ATXN1: variants seen among roughly 807,000 people sequenced by gnomAD.
ATXN1 encodes the protein ataxin 1, also known as ataxin-1.
A neutral mutation model predicts 56.4 loss-of-function variants in ATXN1; 8 were observed. The observed-to-expected ratio is 0.14, with a 90% confidence interval of 0.08 to 0.26. ATXN1 has a LOEUF of 0.26. ATXN1 is among the 10% of genes least tolerant of loss of function. The pLI, the probability that ATXN1 is intolerant of heterozygous loss-of-function variation, is 1.00. For synonymous variants in ATXN1, 514 were observed against 494.6 expected (o/e 1.04, Z -0.52); for missense variants, 987 against 1,106.5 (o/e 0.89, Z 1.53).
intron 2 of ATXN1, among the ~76,000 whole-genome samples, chr6:16,749,009 T>C (rs1227363269): frequency 6.6e-6 from 1 of 152,236 alleles, no homozygotes; most frequent in Non-Finnish European, 1.5e-5. Flanking sequence ...ACCAATTCTA[T>C]ATCTCTTTAT....
At chr6:16,662,989 T>G (rs1314391113) in intron 2 of ATXN1, among the ~76,000 whole-genome samples, 4 of 127,108 alleles carry the variant, frequency 3.1e-5, no homozygotes, top group South Asian at 4.7e-4. Context: ...TTTTTTTTTT[T>G]GAAATGGAGT....
intron 4 of ATXN1, among the ~76,000 whole-genome samples, chr6:16,570,071 T>G (rs541759486): frequency 1.3e-5 from 2 of 152,336 alleles, no homozygotes; most frequent in African/African-American, 4.8e-5. Context: ...CCTGAAGAGT[T>G]GGGGTTGCTT....
intron 3 of ATXN1, among the ~76,000 whole-genome samples, chr6:16,599,866 G>A (rs1306185210): frequency 1.3e-5 from 2 of 152,182 alleles, no homozygotes; most frequent in Non-Finnish European, 2.9e-5. Context: ...CCCCCAAGAG[G>A]CCTATTTGGA....
At chr6:16,540,442 C>T (rs1338594582) in intron 4 of ATXN1, among the ~76,000 whole-genome samples, 1 of 152,086 alleles carries the variant, frequency 6.6e-6, no homozygotes, top group East Asian at 1.9e-4. Flanking sequence ...GAACTCCTGA[C>T]CTCAGGTGAT....
At chr6:16,675,822 G>A (rs1170609032) in intron 2 of ATXN1, among the ~76,000 whole-genome samples, 1 of 152,154 alleles carries the variant, frequency 6.6e-6, no homozygotes, top group Admixed American at 6.5e-5. Context: ...CTGGGAGGTG[G>A]AGGCTGCAGT....
chr6:16,759,838 C>CA (rs1226678342), intron 1 of ATXN1, among the ~76,000 whole-genome samples: 1 of 151,990 alleles, frequency 6.6e-6, no homozygotes, highest in Admixed American at 6.5e-5. Flanking sequence ...TGGTCTGAAA[C>CA]AAAATGAAAG....
At chr6:16,492,649 C>A (rs1057300147) in intron 5 of ATXN1, among the ~76,000 whole-genome samples, 4 of 151,016 alleles carry the variant, frequency 2.6e-5, no homozygotes, top group Non-Finnish European at 2.9e-5. Flanking sequence ...ATGGTACTTT[C>A]TTGGGTTCCT....
chr6:16,416,005 T>C (rs1017101288), intron 6 of ATXN1, among the ~76,000 whole-genome samples: 1 of 149,770 alleles, frequency 6.7e-6, no homozygotes, highest in African/African-American at 2.5e-5. Context: ...GGCAGCTACA[T>C]ATGAGCCAGT....
intron 6 of ATXN1, among the ~76,000 whole-genome samples, chr6:16,334,169 G>A (rs895831356): frequency 6.6e-6 from 1 of 152,194 alleles, no homozygotes; most frequent in Non-Finnish European, 1.5e-5. Context: ...CAGAAGGCTA[G>A]AAGGGATATA....
intron 3 of ATXN1, among the ~76,000 whole-genome samples, chr6:16,591,529 T>C (rs236981): frequency 0.71 from 107,605 of 152,062 alleles, 38,406 homozygotes; most frequent in Admixed American, 0.8. Flanking sequence ...TTGTTCATTA[T>C]GCTGGTCCTT....
At chr6:16,348,037 C>T (rs995718308) in intron 6 of ATXN1, among the ~76,000 whole-genome samples, 9 of 152,228 alleles carry the variant, frequency 5.9e-5, no homozygotes, top group South Asian at 2.1e-4. Context: ...CCAGACATGC[C>T]GCTTTAAGAA....
chr6:16,723,410 T>C (rs1262805106), intron 2 of ATXN1, among the ~76,000 whole-genome samples: 1 of 152,206 alleles, frequency 6.6e-6, no homozygotes, highest in African/African-American at 2.4e-5. Flanking sequence ...CTTATTACTA[T>C]AAATCAACTA....
intron 6 of ATXN1, among the ~76,000 whole-genome samples, chr6:16,406,990 C>T (rs143871777): frequency 0.011 from 1,611 of 152,300 alleles, 12 homozygotes; most frequent in Non-Finnish European, 0.016. Flanking sequence ...AATGGTCTTG[C>T]TGAGGAAATT....
intron 6 of ATXN1, among the ~76,000 whole-genome samples, chr6:16,347,337 A>C (rs1250312559): frequency 6.6e-6 from 1 of 152,162 alleles, no homozygotes; most frequent in Non-Finnish European, 1.5e-5. Flanking sequence ...ATGTCTAGCT[A>C]AGGGATTTTA....
intron 7 of ATXN1, among the ~76,000 whole-genome samples, chr6:16,310,330 T>C (rs1399859410): frequency 1.3e-5 from 2 of 152,084 alleles, no homozygotes; most frequent in Non-Finnish European, 2.9e-5. Flanking sequence ...ATCTGCATTA[T>C]AGAAAATACT....
At chr6:16,509,676 C>T (rs1014985760) in intron 5 of ATXN1, among the ~76,000 whole-genome samples, 1 of 152,146 alleles carries the variant, frequency 6.6e-6, no homozygotes, top group Admixed American at 6.5e-5. Flanking sequence ...TCCCCACTCC[C>T]GTCTATCCTA....
At position 16,674,051 on chromosome 6, in the gene ATXN1, T is replaced by TTATA. The variant is rs1554124868; in HGVS notation, c.-614-16154_-614-16151dup. Among the ~76,000 whole-genome samples, 9 of 151,830 alleles carry TTATA rather than the reference T, an allele frequency of 5.9e-5. No homozygotes were observed. In the South Asian group the frequency reaches 8.3e-4, roughly 14 times the overall value. ...ATACATGGAAATGCTCTAACGTGTT[T>TTATA]TATATATATATATATTCTTACATTG... is the stretch of plus-strand genomic sequence containing the variant. On this transcript the variant is annotated intron_variant, in intron 2 of 7. Coordinates refer to ENST00000436367, the MANE Select transcript of ATXN1 (RefSeq NM_001128164.2).
chr6:16,537,701 T>G (rs1761631021), intron 4 of ATXN1, among the ~76,000 whole-genome samples: 1 of 148,876 alleles, frequency 6.7e-6, no homozygotes, highest in African/African-American at 2.5e-5. Flanking sequence ...AGTGAAACTC[T>G]GTCTCAAAAA....
At chr6:16,695,390 G>A (rs750810985) in intron 2 of ATXN1, among the ~76,000 whole-genome samples, 1 of 152,208 alleles carries the variant, frequency 6.6e-6, no homozygotes, top group Non-Finnish European at 1.5e-5. Context: ...TCCTCCTGCA[G>A]TAGAAGCAGA....
Sources: gnomAD v4.1 joint callset for allele counts (sites outside exome capture counted in the v4.1 genomes callset) on GRCh38, gnomAD v4.1.1 for gene constraint, MANE v1.5 for transcripts, NCBI Gene and HGNC (gene_info 2026-07-23, HGNC 2026-07-21) for gene names.